The following PREX2 variants were observed in gnomAD, a reference collection of about 807,000 sequenced individuals.
The protein encoded by PREX2 is phosphatidylinositol 3,4,5-trisphosphate-dependent Rac exchanger 2 protein.
PREX2 carries 107 observed loss-of-function variants against 203.2 expected under a neutral mutation model. The observed-to-expected ratio is 0.53, with a 90% CI of 0.45 to 0.62. PREX2 has a LOEUF of 0.62. PREX2 is among the 20% of genes least tolerant of loss of function. PREX2 has a pLI of 0.00. For synonymous variants in PREX2, 672 were observed against 663.6 expected (o/e 1.01, Z -0.19); for missense variants, 1,777 against 1,955.9 (o/e 0.91, Z 1.72).
At chr8:68,108,432 C>T (rs1810463106) in intron 24 of PREX2, 101 bp downstream of exon 24, 2 of 739,796 alleles carry the variant, frequency 2.7e-6, no homozygotes, top group Non-Finnish European at 4.4e-6. Context: ...GGTGTGCAAA[C>T]AAGCATGAAC....
At chr8:68,133,858 A>G (rs1349520774) in intron 31 of PREX2, among the ~76,000 whole-genome samples, 1 of 152,186 alleles carries the variant, frequency 6.6e-6, no homozygotes, top group Non-Finnish European at 1.5e-5. Context: ...TAATATTTCT[A>G]ACGTTTTTTG....
chr8:68,018,304 C>A (rs1458124425), intron 2 of PREX2, among the ~76,000 whole-genome samples: 1 of 151,878 alleles, frequency 6.6e-6, no homozygotes, highest in Admixed American at 6.6e-5. Flanking sequence ...CCCGTCTCTA[C>A]TAAAAATACA....
chr8:68,053,339 A>T, intron 9 of PREX2, 93 bp downstream of exon 9: 2 of 1,338,904 alleles, frequency 1.5e-6, no homozygotes, highest in South Asian at 2.7e-5. Context: ...ATGGAAAGGT[A>T]TATGATGGTC....
intron 1 of PREX2, among the ~76,000 whole-genome samples, chr8:68,014,219 C>T (rs1435313038): frequency 6.6e-6 from 1 of 151,992 alleles, no homozygotes; most frequent in Non-Finnish European, 1.5e-5. Context: ...AAATTTGTGA[C>T]ATTTTTAGCT....
At chr8:67,953,967 T>C (rs1805426487) in intron 1 of PREX2, among the ~76,000 whole-genome samples, 1 of 152,230 alleles carries the variant, frequency 6.6e-6, no homozygotes, top group Non-Finnish European at 1.5e-5. Context: ...AGTCATTTCT[T>C]ACATAATTAC....
intron 32 of PREX2, among the ~76,000 whole-genome samples, chr8:68,135,759 CA>C (rs1410933687): frequency 1.3e-5 from 2 of 152,040 alleles, no homozygotes; most frequent in African/African-American, 4.8e-5. Context: ...TACATTCACA[CA>C]AAATCTTGTA....
intron 23 of PREX2, among the ~76,000 whole-genome samples, chr8:68,100,943 C>T (rs567407050): frequency 1.4e-4 from 21 of 151,712 alleles, no homozygotes; most frequent in Non-Finnish European, 2.7e-4. Context: ...ATGAAGGAGA[C>T]AAAAAACATT....
chr8:68,104,104 G>A (rs903110823), intron 23 of PREX2, among the ~76,000 whole-genome samples: 2 of 152,156 alleles, frequency 1.3e-5, no homozygotes, highest in African/African-American at 2.4e-5. Context: ...CTAAAACCTC[G>A]AATACACTCT....
rs1427050324 is a variant in PREX2 at position 68,069,145 on chromosome 8, C to T, written c.1443+9C>T. 1.5e-6 allele frequency: 2 copies of T among 1,357,890 alleles called. No homozygotes were observed. Among genetic ancestry groups the T allele is most frequent in the Non-Finnish European group, 2.1e-6 (2 of 969,078 alleles). The allele number at this position is 1,357,890 out of a possible 1,614,324, so 84.1% of individuals were successfully genotyped here. On this transcript the variant is annotated intron_variant, in intron 12 of 39. Coordinates refer to ENST00000288368, the MANE Select transcript of PREX2 (RefSeq NM_024870.4). ...AGGACGTGATTTCAAAGGTAACGAC[C>T]TCTCCCACAACCTCTCCAATAGTAG...
chr8:68,012,013 A>G (rs766098459), intron 1 of PREX2, among the ~76,000 whole-genome samples: 37 of 152,242 alleles, frequency 2.4e-4, no homozygotes, highest in Middle Eastern at 6.8e-3. Context: ...TCTGTCAATA[A>G]TGGTCCTGAT....
intron 1 of PREX2, among the ~76,000 whole-genome samples, chr8:67,970,233 G>T (rs1334862183): frequency 6.6e-6 from 1 of 151,962 alleles, no homozygotes; most frequent in Non-Finnish European, 1.5e-5. Context: ...CTATTCCTTG[G>T]AGTCATAGCC....
Position 68,083,233 on chromosome 8 carries a change from C to T in PREX2, c.1879-7C>T, listed in dbSNP as rs1030752. On this transcript the variant is annotated splice_polypyrimidine_tract_variant and splice_region_variant and intron_variant, in intron 17 of 39. Transcript: ENST00000288368. ...CTTTGACTTATTTTTTGTAATTTCT[C>T]TCTTAGATGGCTGGCATGGAAGTCG... 0.54 allele frequency: 844,864 copies of T among 1,566,764 alleles called. 229,322 individuals carry two copies. The highest frequency in any genetic ancestry group is 0.56 in the South Asian group (47,518 of 84,786).
intron 34 of PREX2, among the ~76,000 whole-genome samples, chr8:68,152,289 G>GGAAAAAA (rs1554581337): frequency 1.4e-5 from 1 of 72,920 alleles, no homozygotes; most frequent in Non-Finnish European, 2.4e-5. Context: ...CCCTCTCAGA[G>GGAAAAAA]AAAAAAAAAA....
At chr8:68,173,454 C>T (rs1811918502) in intron 35 of PREX2, among the ~76,000 whole-genome samples, 1 of 152,118 alleles carries the variant, frequency 6.6e-6, no homozygotes, top group Non-Finnish European at 1.5e-5. Context: ...ACCTTGCCAC[C>T]ATTGCTTTAC....
intron 2 of PREX2, among the ~76,000 whole-genome samples, chr8:68,019,257 C>G (rs1480704607): frequency 1.3e-5 from 2 of 152,242 alleles, no homozygotes; most frequent in African/African-American, 2.4e-5. Flanking sequence ...CCAGAAAAGC[C>G]TGCCAGCAAC....
intron 11 of PREX2, among the ~76,000 whole-genome samples, chr8:68,064,429 T>C (rs1808955210): frequency 6.6e-6 from 1 of 152,076 alleles, no homozygotes; most frequent in African/African-American, 2.4e-5. Context: ...CAGCCAGTGG[T>C]GCGATCATGG....
At position 68,233,413 on chromosome 8, in the gene PREX2, C is replaced by T. The variant is rs1017681528; in HGVS notation, c.*2035C>T. 10 of 152,144 alleles carry T rather than the reference C, an allele frequency of 6.6e-5. No homozygotes were observed. Among genetic ancestry groups the T allele is most frequent in the African/African-American group, 2.4e-4 (10 of 41,428 alleles). 9.4% of individuals were successfully genotyped at this position (152,144 alleles called of 1,614,324 possible). A position where few individuals can be genotyped will look rare whatever the true frequency, so the allele number is the denominator to read the frequency against. ...CTATATTGTGGTATTTATAAGCTAACATATTTTATATTTTTAAGGATCTAC... is the reference window on the plus strand; with the variant it reads ...CTATATTGTGGTATTTATAAGCTAATATATTTTATATTTTTAAGGATCTAC... On this transcript the variant is annotated 3_prime_UTR_variant, in exon 40 of 40. Transcript: ENST00000288368.
chr8:68,102,627 C>T (rs879917565), intron 23 of PREX2, among the ~76,000 whole-genome samples: 2 of 152,160 alleles, frequency 1.3e-5, no homozygotes, highest in African/African-American at 2.4e-5. Context: ...TATTTTTCTT[C>T]CTGATGAAGG....
At chr8:67,994,995 G>C (rs1176195902) in intron 1 of PREX2, among the ~76,000 whole-genome samples, 2 of 152,106 alleles carry the variant, frequency 1.3e-5, no homozygotes, top group Non-Finnish European at 2.9e-5. Context: ...ATTTTTAGGA[G>C]AGAAGTTCTA....
Sources: gnomAD v4.1 joint callset for allele counts (sites outside exome capture counted in the v4.1 genomes callset) on GRCh38, gnomAD v4.1.1 for gene constraint, MANE v1.5 for transcripts, NCBI Gene and HGNC (gene_info 2026-07-23, HGNC 2026-07-21) for gene names.